RORA: variants seen among roughly 807,000 people sequenced by gnomAD.
The protein encoded by RORA is nuclear receptor ROR-alpha.
Under a neutral mutation model 69.5 loss-of-function variants are expected in RORA, and 7 were observed. The observed-to-expected ratio is 0.10, with a 90% CI of 0.06 to 0.19. The LOEUF is 0.19. Among genes scored for constraint, RORA ranks in the 10% least tolerant of loss-of-function variants. The pLI is 1.00. For synonymous variants in RORA, 261 were observed against 240.8 expected (o/e 1.08, Z -0.78); for missense variants, 457 against 663.0 (o/e 0.69, Z 3.41).
intron 5 of RORA, among the ~76,000 whole-genome samples, chr15:60,509,402 A>G (rs2065618876): frequency 1.3e-5 from 2 of 152,238 alleles, no homozygotes; most frequent in African/African-American, 4.8e-5. Context: ...ATGAGGGGGC[A>G]GGGCTCCCAG....
intron 1 of RORA, among the ~76,000 whole-genome samples, chr15:60,889,457 C>T (rs1212068233): frequency 6.6e-6 from 1 of 152,220 alleles, no homozygotes. Flanking sequence ...AATTAGGCTT[C>T]ACTGCCTTGC....
At chr15:60,754,147 T>G (rs913691549) in intron 1 of RORA, among the ~76,000 whole-genome samples, 1 of 152,376 alleles carries the variant, frequency 6.6e-6, no homozygotes, top group South Asian at 2.1e-4. Context: ...CATCCCTTTT[T>G]GGGTAGAAAT....
chr15:61,116,071 AAAACAAAC>A (rs200371756), intron 1 of RORA, among the ~76,000 whole-genome samples: 1 of 152,158 alleles, frequency 6.6e-6, no homozygotes, highest in Non-Finnish European at 1.5e-5. Context: ...AGCACTTAAA[AAAACAAAC>A]AAACAAACAA....
intron 1 of RORA, among the ~76,000 whole-genome samples, chr15:61,223,742 G>A (rs926532897): frequency 2.0e-4 from 30 of 152,060 alleles, no homozygotes; most frequent in Non-Finnish European, 3.2e-4. Context: ...TTTAGAAAAC[G>A]TATTCAACAA....
At chr15:60,778,153 A>G (rs150331667) in intron 1 of RORA, among the ~76,000 whole-genome samples, 2 of 152,240 alleles carry the variant, frequency 1.3e-5, no homozygotes, top group Non-Finnish European at 2.9e-5. Context: ...TCCAATGCTC[A>G]GTGCTGAGGG....
At chr15:60,997,642 C>T (rs1894599145) in intron 1 of RORA, among the ~76,000 whole-genome samples, 1 of 152,172 alleles carries the variant, frequency 6.6e-6, no homozygotes, top group Admixed American at 6.5e-5. Context: ...TCTTAGAAAG[C>T]ACCCATGTAT....
In RORA at chr15:60,496,548, C is replaced by A. The variant is rs1175185318; in HGVS notation, c.*907G>T. ...ATAAACACATCTATCATTAAACTTA[C>A]CAAAAAGCAAAGTATAATTTAGGGA... On this transcript the variant is annotated 3_prime_UTR_variant, in exon 11 of 11. Transcript: ENST00000335670. This position sits in a 1 kb window ranked among gnomAD's most constrained non-coding sequence, Gnocchi z 4.5. The A allele has an allele frequency of 1.3e-5, 2 of 152,044 alleles. No homozygotes were observed. The highest frequency in any genetic ancestry group is 2.9e-5 in the Non-Finnish European group (2 of 68,012). 9.4% of individuals were successfully genotyped at this position (152,044 alleles called of 1,614,324 possible). A position where few individuals can be genotyped will look rare whatever the true frequency, so the allele number is the denominator to read the frequency against.
intron 1 of RORA, among the ~76,000 whole-genome samples, chr15:60,989,408 T>A (rs1158372649): frequency 6.6e-6 from 1 of 152,234 alleles, no homozygotes; most frequent in Non-Finnish European, 1.5e-5. Context: ...TCATTCCTTT[T>A]TATGGCTGAA....
At chr15:60,561,088 T>G (rs1465547938) in intron 2 of RORA, among the ~76,000 whole-genome samples, 11 of 149,902 alleles carry the variant, frequency 7.3e-5, no homozygotes, top group Admixed American at 3.3e-4. Flanking sequence ...TTTTGTTTTT[T>G]TTTTTGTTTT....
intron 1 of RORA, among the ~76,000 whole-genome samples, chr15:60,876,338 C>A (rs1366196030): frequency 1.3e-5 from 2 of 149,420 alleles, no homozygotes; most frequent in South Asian, 2.1e-4. Flanking sequence ...GGCTAGGAGA[C>A]CACCACACTT....
At chr15:60,658,366 C>T (rs556999050) in intron 2 of RORA, among the ~76,000 whole-genome samples, 1 of 152,178 alleles carries the variant, frequency 6.6e-6, no homozygotes, top group Non-Finnish European at 1.5e-5. Flanking sequence ...ATTTTCTTCT[C>T]TTATCCTTGG....
intron 1 of RORA, among the ~76,000 whole-genome samples, chr15:60,876,366 T>C (rs1343184137): frequency 6.6e-6 from 1 of 150,976 alleles, no homozygotes; most frequent in East Asian, 1.9e-4. Flanking sequence ...GCACTCGGAA[T>C]TCTTTTGACA....
intron 2 of RORA, among the ~76,000 whole-genome samples, chr15:60,579,893 A>G (rs1187239444): frequency 1.3e-5 from 2 of 152,186 alleles, no homozygotes; most frequent in Non-Finnish European, 2.9e-5. Context: ...TCAGTATAGC[A>G]TCAATTAGTA....
chr15:60,799,784 G>C (rs762548163), intron 1 of RORA, among the ~76,000 whole-genome samples: 2 of 152,200 alleles, frequency 1.3e-5, no homozygotes, highest in Non-Finnish European at 2.9e-5. Context: ...TAGCAGAGAG[G>C]TAGATAACGA....
At chr15:61,050,535 G>A (rs1897244078) in intron 1 of RORA, among the ~76,000 whole-genome samples, 1 of 152,158 alleles carries the variant, frequency 6.6e-6, no homozygotes, top group African/African-American at 2.4e-5. Flanking sequence ...TCCCAAGCTA[G>A]TTTGTGAAAA....
In RORA at chr15:60,905,956, A is replaced by G. The variant is rs1048497080; in HGVS notation, c.167-227270T>C. 6.6e-6 allele frequency among the ~76,000 whole-genome samples: 1 copy of G among 152,252 alleles called. No individual in the cohort carries two copies. Among genetic ancestry groups the G allele is most frequent in the Non-Finnish European group, 1.5e-5 (1 of 68,040 alleles). On this transcript the variant is annotated intron_variant, in intron 1 of 10. Transcript: ENST00000335670. This position sits in a 1 kb window ranked among gnomAD's most constrained non-coding sequence, Gnocchi z 4.8. Reference sequence around the variant, plus strand: ...ATAAATATCAGGAAAGCATTTATAAATATTTCAGAGGTGTTTCATAAATAA... The same window carrying G: ...ATAAATATCAGGAAAGCATTTATAAGTATTTCAGAGGTGTTTCATAAATAA...
intron 1 of RORA, among the ~76,000 whole-genome samples, chr15:60,906,743 A>G (rs1244657021): frequency 2.0e-5 from 3 of 152,192 alleles, no homozygotes; most frequent in Admixed American, 6.5e-5. Context: ...GATGGATACT[A>G]CGGCCACGGT....
chr15:61,080,029 T>C (rs1040269363), intron 1 of RORA, among the ~76,000 whole-genome samples: 1 of 152,116 alleles, frequency 6.6e-6, no homozygotes, highest in Non-Finnish European at 1.5e-5. Context: ...ACAGTAAGGA[T>C]TATGGGAATC....
At position 61,175,405 on chromosome 15, in the gene RORA, T is replaced by G. The variant is rs148997452; in HGVS notation, c.166+53648A>C. Among the ~76,000 whole-genome samples, 38 of 151,962 alleles carry G rather than the reference T, an allele frequency of 2.5e-4. No homozygotes were observed. In the East Asian group the frequency reaches 7.2e-3, roughly 29 times the overall value. ...AGACTAGGGAGTTCCCTCACCTCATTTTCTCATTTTAAAGATAGGGGCCAG... is the reference window on the plus strand; with the variant it reads ...AGACTAGGGAGTTCCCTCACCTCATGTTCTCATTTTAAAGATAGGGGCCAG... On this transcript the variant is annotated intron_variant, in intron 1 of 10. Coordinates refer to ENST00000335670, the MANE Select transcript of RORA (RefSeq NM_134261.3).
Sources: gnomAD v4.1 joint callset for allele counts (sites outside exome capture counted in the v4.1 genomes callset) on GRCh38, gnomAD v4.1.1 for gene constraint, Gnocchi (gnomAD v3.1) non-coding constraint, MANE v1.5 for transcripts, NCBI Gene and HGNC (gene_info 2026-07-23, HGNC 2026-07-21) for gene names.